LMCD1: variants seen among roughly 807,000 people sequenced by gnomAD.
LMCD1 encodes the protein LIM and cysteine-rich domains protein 1.
Under a neutral mutation model 42.7 loss-of-function variants are expected in LMCD1, and 32 were observed. The ratio of observed to expected loss-of-function variants is 0.75; its 90% confidence interval spans 0.57 to 1.01. The LOEUF is 1.01. Among genes scored for constraint, LMCD1 ranks in the 50% least tolerant of loss-of-function variants. The pLI is 0.00. For synonymous variants in LMCD1, 178 were observed against 184.9 expected, an observed-to-expected ratio of 0.96 and a Z score of 0.30; for missense variants, 458 against 483.1, an observed-to-expected ratio of 0.95 and a Z score of 0.49.
intron 1 of LMCD1, among the ~76,000 whole-genome samples, chr3:8,502,337 T>A (rs1036700505): frequency 0.04 from 1,099 of 27,608 alleles, 12 homozygotes; most frequent in East Asian, 0.21. Flanking sequence ...ATAATATATA[T>A]TATATATAAA....
intron 4 of LMCD1, chr3:8,551,350 C>G (rs1453839436): frequency 1.0e-6 from 1 of 985,270 alleles, no homozygotes; most frequent in Non-Finnish European, 1.2e-6. Flanking sequence ...GGTGCGATTC[C>G]AGTTCCACAT....
intron 1 of LMCD1, among the ~76,000 whole-genome samples, chr3:8,524,351 G>A (rs970277518): frequency 4.6e-5 from 7 of 152,292 alleles, no homozygotes; most frequent in Non-Finnish European, 7.3e-5. Flanking sequence ...CCTCGCCTCA[G>A]GCAGGGCAGA....
chr3:8,550,207 G>A, intron 4 of LMCD1: 1 of 1,231,808 alleles, frequency 8.1e-7, no homozygotes, highest in Middle Eastern at 3.4e-4. Context: ...GCTTGAGGCT[G>A]GACCACGTGG....
chr3:8,508,172 TA>T (rs1693920226), intron 1 of LMCD1, among the ~76,000 whole-genome samples: 1 of 152,198 alleles, frequency 6.6e-6, no homozygotes. Context: ...CCTAATACTC[TA>T]AAAATAATTC....
At chr3:8,523,128 TAAACA>T (rs1694237119) in intron 1 of LMCD1, among the ~76,000 whole-genome samples, 1 of 152,238 alleles carries the variant, frequency 6.6e-6, no homozygotes, top group Non-Finnish European at 1.5e-5. Flanking sequence ...AAAACAAAAC[TAAACA>T]AAAGTTTCCA....
intron 4 of LMCD1, among the ~76,000 whole-genome samples, chr3:8,554,080 T>G (rs1694887737): frequency 6.6e-6 from 1 of 152,148 alleles, no homozygotes; most frequent in African/African-American, 2.4e-5. Flanking sequence ...GCTCTCACTC[T>G]CTCACCCAGG....
rs114747057 is a variant in LMCD1, at chr3:8,534,085, T to A, written c.131+1260T>A. On this transcript the variant is annotated intron_variant, in intron 2 of 5. Transcript: ENST00000157600. ...CCTGGAAAGAAAGTCAACTTCCTTA[T>A]CATTTCAACCCCACTGGTCCTGAAT... Among the ~76,000 whole-genome samples the A allele has an allele frequency of 1.4e-4, 21 of 152,116 alleles. 1 individual carries two copies. Among genetic ancestry groups the A allele is most frequent in the African/African-American group, 4.3e-4 (18 of 41,506 alleles).
At chr3:8,506,970 G>A (rs1353425095) in intron 1 of LMCD1, among the ~76,000 whole-genome samples, 2 of 152,226 alleles carry the variant, frequency 1.3e-5, no homozygotes, top group African/African-American at 4.8e-5. Flanking sequence ...TTGTGGAGCA[G>A]CTTTTCAGGA....
intron 3 of LMCD1, among the ~76,000 whole-genome samples, chr3:8,542,121 A>G (rs1694639629): frequency 6.8e-6 from 1 of 147,454 alleles, no homozygotes; most frequent in Non-Finnish European, 1.5e-5. Flanking sequence ...CAGCTTCCCA[A>G]TTAGCTGGGG....
At chr3:8,538,881 C>T (rs1694562824) in intron 3 of LMCD1, among the ~76,000 whole-genome samples, 1 of 152,212 alleles carries the variant, frequency 6.6e-6, no homozygotes, top group Non-Finnish European at 1.5e-5. Flanking sequence ...AGTGCAATGT[C>T]ACCTTTTAGG....
At chr3:8,559,647 G>A (rs992004876) in intron 4 of LMCD1, among the ~76,000 whole-genome samples, 5 of 152,210 alleles carry the variant, frequency 3.3e-5, no homozygotes, top group African/African-American at 1.2e-4. Context: ...CCAGGATGAT[G>A]AGACCCAAGT....
chr3:8,557,769 T>A (rs868175306), intron 4 of LMCD1, among the ~76,000 whole-genome samples: 2 of 152,240 alleles, frequency 1.3e-5, no homozygotes, highest in Non-Finnish European at 2.9e-5. Context: ...GGCATATGGC[T>A]GAAACCAACA....
chr3:8,521,837 A>C (rs923818403), intron 1 of LMCD1, among the ~76,000 whole-genome samples: 62 of 152,148 alleles, frequency 4.1e-4, no homozygotes, highest in African/African-American at 1.4e-3. Flanking sequence ...GGGAACTGTG[A>C]TTGCAATCAT....
chr3:8,561,367 T>A (rs1695031489), intron 4 of LMCD1, among the ~76,000 whole-genome samples: 1 of 146,940 alleles, frequency 6.8e-6, no homozygotes, highest in African/African-American at 2.6e-5. Context: ...AAGATAATAA[T>A]AATTGAGCAC....
chr3:8,547,087 C>G (rs1378613705), intron 3 of LMCD1, among the ~76,000 whole-genome samples: 1 of 152,200 alleles, frequency 6.6e-6, no homozygotes, highest in East Asian at 1.9e-4. Context: ...TTTCTTTCCA[C>G]TGCCATCCAA....
At chr3:8,539,005 A>G (rs1003549680) in intron 3 of LMCD1, among the ~76,000 whole-genome samples, 12 of 152,374 alleles carry the variant, frequency 7.9e-5, no homozygotes, top group East Asian at 1.9e-4. Flanking sequence ...AAAATGTTAC[A>G]GCAATTTGAC....
intron 1 of LMCD1, among the ~76,000 whole-genome samples, chr3:8,505,657 C>G (rs1322234741): frequency 2.0e-5 from 3 of 152,264 alleles, no homozygotes; most frequent in Admixed American, 6.5e-5. Flanking sequence ...AATTCTCACC[C>G]CTCAACACAA....
At chr3:8,513,472 A>G (rs1694039589) in intron 1 of LMCD1, among the ~76,000 whole-genome samples, 1 of 152,156 alleles carries the variant, frequency 6.6e-6, no homozygotes, top group Non-Finnish European at 1.5e-5. Context: ...AGGATTTTTA[A>G]TGTGGGAAAT....
At chr3:8,551,121 C>T in intron 4 of LMCD1, 1 of 985,310 alleles carries the variant, frequency 1.0e-6, no homozygotes, top group Non-Finnish European at 1.2e-6. Flanking sequence ...GGAAGATAGA[C>T]TTCTATGTCC....
Sources: gnomAD v4.1 joint callset for allele counts (sites outside exome capture counted in the v4.1 genomes callset) on GRCh38, gnomAD v4.1.1 for gene constraint, MANE v1.5 for transcripts, NCBI Gene and HGNC (gene_info 2026-07-23, HGNC 2026-07-21) for gene names.